Variants in CABYR observed in about 807,000 individuals in gnomAD.
CABYR encodes the protein calcium binding tyrosine phosphorylation regulated, also known as calcium-binding tyrosine phosphorylation-regulated protein.
Under a neutral mutation model 36.1 loss-of-function variants are expected in CABYR, and 31 were observed. The observed-to-expected ratio is 0.86, with a 90% CI of 0.64 to 1.16. CABYR has a LOEUF of 1.16. CABYR is among the 50% of genes most tolerant of loss of function. CABYR has a pLI of 0.00. For missense variants in CABYR, 429 were observed against 455.8 expected (o/e 0.94, Z 0.53); for synonymous variants, 146 against 160.7 (o/e 0.91, Z 0.69).
intron 4 of CABYR, 175 bp downstream of exon 4, chr18:24,156,217 C>G: frequency 6.2e-7 from 1 of 1,614,134 alleles, no homozygotes; most frequent in African/African-American, 1.3e-5. Flanking sequence ...GTGAACCAAA[C>G]ATCTGTCCAT....
chr18:24,154,413 C>G (rs1343303684), intron 3 of CABYR, among the ~76,000 whole-genome samples: 1 of 152,150 alleles, frequency 6.6e-6, no homozygotes, highest in Non-Finnish European at 1.5e-5. Context: ...TTGTTCTAAG[C>G]AGAGGGAGGT....
At chr18:24,154,102 C>CA (rs33985751) in intron 3 of CABYR, among the ~76,000 whole-genome samples, 4,102 of 57,414 alleles carry the variant, frequency 0.071, 662 homozygotes, top group East Asian at 0.17. Flanking sequence ...GACTCCATCT[C>CA]AAAAAAAAAA....
chr18:24,153,499 C>G (rs2085690900), intron 3 of CABYR, among the ~76,000 whole-genome samples: 2 of 152,110 alleles, frequency 1.3e-5, no homozygotes, highest in Non-Finnish European at 2.9e-5. Flanking sequence ...TTGGCCTTTA[C>G]CAGTACGTTA....
chr18:24,155,859 A>G lies in CABYR; in HGVS notation c.358A>G (p.Thr120Ala). The stretch of plus-strand genomic sequence containing the variant: ...CAGAACAGAATATAGTGACAAAACC[A>G]CCCAGTTTCCATCAGTTTATGCTGT... ...VTRTEYSDKT[T>A]QFPSVYAVPG... The change falls in exon 4 of 6, where the codon ACC becomes GCC. Residue 120 changes from threonine to alanine, a missense_variant. By Grantham distance (58) the Thr-to-Ala change is moderately conservative. Transcript: ENST00000399496. 6.2e-7 allele frequency: 1 copy of G among 1,614,164 alleles called. No individual in the cohort carries two copies. Among genetic ancestry groups the G allele is most frequent in the Non-Finnish European group, 8.5e-7 (1 of 1,180,028 alleles).
At chr18:24,152,902 G>A (rs980418800) in intron 3 of CABYR, 10 of 152,426 alleles carry the variant, frequency 6.6e-5, no homozygotes, top group Admixed American at 2.0e-4. Flanking sequence ...GGTATGGGGA[G>A]GTCAGTCTGG....
chr18:24,153,537 C>A (rs1450887437), intron 3 of CABYR, among the ~76,000 whole-genome samples: 1 of 152,108 alleles, frequency 6.6e-6, no homozygotes, highest in Non-Finnish European at 1.5e-5. Context: ...TTCTTACCAG[C>A]TGGTGTGATG....
chr18:24,146,688 C>G (rs1306213698), intron 3 of CABYR, among the ~76,000 whole-genome samples: 1 of 152,058 alleles, frequency 6.6e-6, no homozygotes, highest in Non-Finnish European at 1.5e-5. Context: ...AGGATAAATA[C>G]AAAGAAAATG....
chr18:24,153,544 G>A (rs1011732373), intron 3 of CABYR, among the ~76,000 whole-genome samples: 1 of 152,104 alleles, frequency 6.6e-6, no homozygotes, highest in African/African-American at 2.4e-5. Flanking sequence ...CAGCTGGTGT[G>A]ATGGCAGCCT....
At chr18:24,155,466 T>C (rs2085754289) in intron 3 of CABYR, among the ~76,000 whole-genome samples, 1 of 152,184 alleles carries the variant, frequency 6.6e-6, no homozygotes, top group Non-Finnish European at 1.5e-5. Flanking sequence ...GACATCTGAA[T>C]GCTTAACCCA....
chr18:24,141,933 T>C (rs1166811870), intron 1 of CABYR, among the ~76,000 whole-genome samples: 1 of 152,076 alleles, frequency 6.6e-6, no homozygotes, highest in Non-Finnish European at 1.5e-5. Context: ...ACAAATAAAT[T>C]ATACTCACAC....
chr18:24,145,030 T>A (rs1374287074), intron 3 of CABYR, among the ~76,000 whole-genome samples: 2 of 152,258 alleles, frequency 1.3e-5, no homozygotes, highest in Non-Finnish European at 2.9e-5. Flanking sequence ...AGACCTCATG[T>A]GCCATATATT....
At chr18:24,146,464 G>A (rs374343307) in intron 3 of CABYR, among the ~76,000 whole-genome samples, 3 of 151,938 alleles carry the variant, frequency 2.0e-5, no homozygotes, top group East Asian at 1.9e-4. Flanking sequence ...CACGAGAACC[G>A]CTTGAACCTG....
At chr18:24,157,796 T>A (rs2085831413) in intron 4 of CABYR, among the ~76,000 whole-genome samples, 1 of 152,216 alleles carries the variant, frequency 6.6e-6, no homozygotes, top group Admixed American at 6.5e-5. Flanking sequence ...AATTATGGCA[T>A]TTGGTCTGCT....
chr18:24,158,033 G>A (rs773869385), intron 4 of CABYR, among the ~76,000 whole-genome samples: 2 of 152,208 alleles, frequency 1.3e-5, no homozygotes, highest in African/African-American at 2.4e-5. Flanking sequence ...AGAGGGCAGC[G>A]CTGGGAGTGG....
intron 3 of CABYR, among the ~76,000 whole-genome samples, chr18:24,154,949 C>T (rs1313727912): frequency 6.6e-6 from 1 of 152,180 alleles, no homozygotes; most frequent in Admixed American, 6.5e-5. Flanking sequence ...CATGATCACA[C>T]ATTATTAGCA....
chr18:24,157,072 C>T (rs1048552709), intron 4 of CABYR: 88 of 1,118,432 alleles, frequency 7.9e-5, no homozygotes, highest in Non-Finnish European at 1.1e-4. Flanking sequence ...CCATCTCTGT[C>T]GGCTCCCTGC....
In CABYR at chr18:24,147,272, A is replaced by AAAG. The variant is rs1555781278; in HGVS notation, c.199+3859_199+3860insAAG. 3.6e-4 allele frequency among the ~76,000 whole-genome samples: 49 copies of AAAG among 137,528 alleles called. 2 individuals carry two copies. Among genetic ancestry groups the AAAG allele is most frequent in the African/African-American group, 6.3e-4 (24 of 37,832 alleles). 90.2% of individuals were successfully genotyped at this position (137,528 alleles called of 152,430 possible). Reference sequence around the variant, plus strand: ...TGTCTCAAAAAAAAAAAAAAAAAAAAGCCTATAGGCAAGTGAGGAATACAA... The same window carrying AAAG: ...TGTCTCAAAAAAAAAAAAAAAAAAAAAAGGCCTATAGGCAAGTGAGGAATACAA... On this transcript the variant is annotated intron_variant, in intron 3 of 5. Coordinates refer to ENST00000399496, the MANE Select transcript of CABYR (RefSeq NM_153769.3).
intron 4 of CABYR, among the ~76,000 whole-genome samples, chr18:24,158,985 G>C (rs2085873377): frequency 6.6e-6 from 1 of 152,134 alleles, no homozygotes; most frequent in African/African-American, 2.4e-5. Context: ...CAAATTAATG[G>C]GAGATAATGG....
chr18:24,151,917 T>A (rs2085648147), intron 3 of CABYR, among the ~76,000 whole-genome samples: 1 of 152,196 alleles, frequency 6.6e-6, no homozygotes, highest in African/African-American at 2.4e-5. Flanking sequence ...CTCGAACTCC[T>A]GGCCTCAAGT....
Sources: allele counts gnomAD v4.1 joint callset (sites outside exome capture counted in the v4.1 genomes callset), GRCh38; gene constraint gnomAD v4.1.1; transcripts MANE v1.5; gene names NCBI Gene and HGNC (gene_info 2026-07-23, HGNC 2026-07-21).